Variants in RBFOX1 observed in about 807,000 individuals in gnomAD.
The protein encoded by RBFOX1 is RNA binding protein fox-1 homolog 1.
A neutral mutation model predicts 57.7 loss-of-function variants in RBFOX1; 8 were observed. The ratio of observed to expected loss-of-function variants is 0.14; its 90% CI spans 0.08 to 0.25. RBFOX1 has a LOEUF of 0.25. Among genes scored for constraint, RBFOX1 ranks in the 10% least tolerant of loss-of-function variants. The pLI, the probability that RBFOX1 is intolerant of heterozygous loss-of-function variation, is 1.00. For synonymous variants in RBFOX1, 326 were observed against 222.4 expected, an observed-to-expected ratio of 1.47 and a Z score of -4.15; for missense variants, 611 against 548.5, an observed-to-expected ratio of 1.11 and a Z score of -1.14.
intron 4 of RBFOX1, among the ~76,000 whole-genome samples, chr16:5,972,701 C>A (rs945421454): frequency 1.8e-4 from 27 of 152,182 alleles, no homozygotes; most frequent in Non-Finnish European, 2.9e-4. Context: ...TCAGGACCTG[C>A]CTGCCTCATG....
chr16:7,598,045 A>C (rs962735452), intron 9 of RBFOX1, among the ~76,000 whole-genome samples: 4 of 152,136 alleles, frequency 2.6e-5, no homozygotes, highest in Non-Finnish European at 5.9e-5. Context: ...AACTTCTGAA[A>C]ACTCCTCCTA....
At chr16:5,513,786 T>C (rs1376505529) in intron 2 of RBFOX1, among the ~76,000 whole-genome samples, 1 of 152,216 alleles carries the variant, frequency 6.6e-6, no homozygotes, top group Non-Finnish European at 1.5e-5. Context: ...CCTAGTTTTT[T>C]TTGATGGATT....
chr16:6,398,478 G>T (rs770822807), intron 2 of RBFOX1, among the ~76,000 whole-genome samples: 1 of 152,046 alleles, frequency 6.6e-6, no homozygotes, highest in Non-Finnish European at 1.5e-5. Flanking sequence ...AAGCAAGTTA[G>T]GTACCTACTA....
At chr16:6,082,954 C>T (rs1004617195) in intron 1 of RBFOX1, among the ~76,000 whole-genome samples, 3 of 151,994 alleles carry the variant, frequency 2.0e-5, no homozygotes, top group Non-Finnish European at 4.4e-5. Context: ...GAGGGTCGTG[C>T]TGTAATGGGG....
chr16:7,252,424 C>A (rs746914674), intron 4 of RBFOX1, among the ~76,000 whole-genome samples: 22 of 152,164 alleles, frequency 1.4e-4, no homozygotes, highest in Admixed American at 5.9e-4. Context: ...GTTCCTAGGC[C>A]TTTTGTACTT....
chr16:7,237,300 T>G (rs898074884), intron 4 of RBFOX1, among the ~76,000 whole-genome samples: 11 of 152,190 alleles, frequency 7.2e-5, no homozygotes, highest in African/African-American at 2.7e-4. Flanking sequence ...TCCCTCCCTG[T>G]CTGCTGAGCA....
intron 1 of RBFOX1, among the ~76,000 whole-genome samples, chr16:6,243,666 C>T (rs1255525483): frequency 6.6e-5 from 10 of 152,180 alleles, no homozygotes; most frequent in Non-Finnish European, 1.5e-5. Context: ...TCAGAGCATC[C>T]CAACCCCTGA....
intron 4 of RBFOX1, among the ~76,000 whole-genome samples, chr16:5,960,534 T>C (rs2059726966): frequency 6.6e-6 from 1 of 152,176 alleles, no homozygotes; most frequent in Non-Finnish European, 1.5e-5. Flanking sequence ...ACATTCTGCT[T>C]GCCATTAAAC....
At chr16:6,965,456 C>A (rs138079293) in intron 3 of RBFOX1, among the ~76,000 whole-genome samples, 2 of 152,044 alleles carry the variant, frequency 1.3e-5, no homozygotes, top group Non-Finnish European at 2.9e-5. Flanking sequence ...TCTGCCTAAA[C>A]CTCCCCAGTA....
intron 14 of RBFOX1, among the ~76,000 whole-genome samples, chr16:7,704,381 A>T (rs1016240842): frequency 6.6e-6 from 1 of 152,172 alleles, no homozygotes; most frequent in Non-Finnish European, 1.5e-5. Flanking sequence ...CACAGAAATG[A>T]TGTAAAAAGT....
chr16:7,157,863 T>C (rs568038286), intron 4 of RBFOX1, among the ~76,000 whole-genome samples: 90 of 152,264 alleles, frequency 5.9e-4, no homozygotes, highest in African/African-American at 2.0e-3. Flanking sequence ...GGAGGACAAA[T>C]ATATTTCAGC....
At chr16:5,975,465 CAT>C (rs1243392989) in intron 4 of RBFOX1, among the ~76,000 whole-genome samples, 1 of 152,196 alleles carries the variant, frequency 6.6e-6, no homozygotes, top group Non-Finnish European at 1.5e-5. Flanking sequence ...GCTTATAACT[CAT>C]AAAGTTGGGT....
chr16:5,934,962 C>G (rs1415425699), intron 4 of RBFOX1, among the ~76,000 whole-genome samples: 1 of 152,158 alleles, frequency 6.6e-6, no homozygotes, highest in African/African-American at 2.4e-5. Context: ...GGTAATTAAT[C>G]TGGTTGGCCT....
intron 3 of RBFOX1, among the ~76,000 whole-genome samples, chr16:5,863,149 C>T (rs915039119): frequency 7.9e-5 from 12 of 152,148 alleles, no homozygotes; most frequent in African/African-American, 1.2e-4. Context: ...AAAGGAATCA[C>T]GTCCACTGAG....
At chr16:7,062,614 C>G (rs77774000) in intron 4 of RBFOX1, among the ~76,000 whole-genome samples, 4 of 152,128 alleles carry the variant, frequency 2.6e-5, no homozygotes, top group South Asian at 2.1e-4. Flanking sequence ...ACACCTGTCC[C>G]TAGCCAACAG....
chr16:6,888,125 G>A (rs1326540052), intron 3 of RBFOX1, among the ~76,000 whole-genome samples: 1 of 152,154 alleles, frequency 6.6e-6, no homozygotes, highest in South Asian at 2.1e-4. Flanking sequence ...TTTCCCTGGA[G>A]GACAGGTTTT....
chr16:7,218,644 G>C (rs1049059926), intron 4 of RBFOX1, among the ~76,000 whole-genome samples: 57 of 148,860 alleles, frequency 3.8e-4, no homozygotes, highest in Middle Eastern at 3.5e-3. Context: ...GTGTGTGTGT[G>C]TGTGTGTGTG....
At chr16:7,215,555 T>A (rs968760902) in intron 4 of RBFOX1, among the ~76,000 whole-genome samples, 13 of 152,286 alleles carry the variant, frequency 8.5e-5, no homozygotes, top group African/African-American at 3.1e-4. Flanking sequence ...TACAGTTCAA[T>A]GTTTTGTAAG....
chr16:5,243,307 A>G (rs187798900), intron 1 of RBFOX1, among the ~76,000 whole-genome samples: 33 of 152,238 alleles, frequency 2.2e-4, no homozygotes, highest in Non-Finnish European at 4.1e-4. Context: ...AACTCACTGG[A>G]GTCACTGAAA....
Sources: gnomAD v4.1 joint callset for allele counts (sites outside exome capture counted in the v4.1 genomes callset) on GRCh38, gnomAD v4.1.1 for gene constraint, MANE v1.5 for transcripts, NCBI Gene and HGNC (gene_info 2026-07-23, HGNC 2026-07-21) for gene names.